Variants in DCC observed in about 807,000 individuals in gnomAD.
DCC encodes DCC netrin 1 receptor.
Under a neutral mutation model 172.5 loss-of-function variants are expected in DCC, and 58 were observed. That is an observed-to-expected ratio of 0.34 (90% CI 0.27 to 0.42). The LOEUF is 0.42. Ranked by LOEUF, DCC falls within the 10% of genes least tolerant of loss-of-function variation. The pLI is 1.00. For synonymous variants in DCC, 709 were observed against 644.5 expected (o/e 1.10, Z -1.52); for missense variants, 1,740 against 1,791.0 (o/e 0.97, Z 0.51).
intron 7 of DCC, among the ~76,000 whole-genome samples, chr18:53,108,502 A>G (rs1430073969): frequency 2.0e-5 from 3 of 151,778 alleles, no homozygotes; most frequent in African/African-American, 7.2e-5. Flanking sequence ...AACTTTTAAA[A>G]TCCTATTTGT....
intron 1 of DCC, among the ~76,000 whole-genome samples, chr18:52,676,928 T>A (rs571387626): frequency 7.2e-5 from 11 of 152,292 alleles, no homozygotes; most frequent in African/African-American, 2.6e-4. Flanking sequence ...TTTAACCAGA[T>A]AGCAAATGCC....
chr18:53,011,252 A>C (rs1031156307), intron 5 of DCC, among the ~76,000 whole-genome samples: 1 of 151,650 alleles, frequency 6.6e-6, no homozygotes, highest in South Asian at 2.1e-4. Flanking sequence ...TCTGCATCTC[A>C]CAAAAATCTT....
intron 5 of DCC, among the ~76,000 whole-genome samples, chr18:52,977,314 A>G (rs1354784149): frequency 6.6e-6 from 1 of 152,116 alleles, no homozygotes; most frequent in African/African-American, 2.4e-5. Context: ...GGGGAGCTCT[A>G]AAAATATACC....
At chr18:53,485,233 C>T (rs1019253753) in intron 25 of DCC, among the ~76,000 whole-genome samples, 6 of 152,010 alleles carry the variant, frequency 3.9e-5, no homozygotes, top group African/African-American at 1.4e-4. Flanking sequence ...CTACATGTAT[C>T]TATATGTGTC....
chr18:52,630,872 A>G (rs905695044), intron 1 of DCC, among the ~76,000 whole-genome samples: 2 of 152,202 alleles, frequency 1.3e-5, no homozygotes, highest in Non-Finnish European at 2.9e-5. Flanking sequence ...TTGTTTATGT[A>G]GTGTTCCAGG....
intron 1 of DCC, among the ~76,000 whole-genome samples, chr18:52,736,184 T>C (rs556487935): frequency 6.6e-6 from 1 of 151,982 alleles, no homozygotes; most frequent in African/African-American, 2.4e-5. Context: ...CCTCTCTGGG[T>C]CTTTGTCCCT....
At chr18:52,397,480 T>C (rs906675840) in intron 1 of DCC, among the ~76,000 whole-genome samples, 1 of 152,048 alleles carries the variant, frequency 6.6e-6, no homozygotes, top group Non-Finnish European at 1.5e-5. Flanking sequence ...ACACTATTGC[T>C]GCTATATGCA....
intron 2 of DCC, among the ~76,000 whole-genome samples, chr18:52,868,253 A>T (rs1047612135): frequency 1.3e-5 from 2 of 152,176 alleles, no homozygotes; most frequent in Non-Finnish European, 2.9e-5. Context: ...TTTCATGGAA[A>T]GCCCATGATG....
intron 7 of DCC, among the ~76,000 whole-genome samples, chr18:53,088,420 A>T (rs941727941): frequency 6.6e-6 from 1 of 152,176 alleles, no homozygotes; most frequent in Non-Finnish European, 1.5e-5. Context: ...TTATTGGTGT[A>T]TAAGAATGCT....
At chr18:53,032,699 G>A (rs2042042127) in intron 5 of DCC, among the ~76,000 whole-genome samples, 2 of 152,060 alleles carry the variant, frequency 1.3e-5, no homozygotes, top group African/African-American at 2.4e-5. Flanking sequence ...TGGAGATGAA[G>A]AGCTAGTATA....
intron 1 of DCC, among the ~76,000 whole-genome samples, chr18:52,436,604 A>G (rs1417826792): frequency 6.6e-6 from 1 of 152,028 alleles, no homozygotes; most frequent in Non-Finnish European, 1.5e-5. Context: ...TCTTTCTTTT[A>G]CTGTATTAAA....
intron 1 of DCC, among the ~76,000 whole-genome samples, chr18:52,692,344 A>T (rs1007309118): frequency 6.6e-6 from 1 of 152,158 alleles, no homozygotes; most frequent in African/African-American, 2.4e-5. Context: ...CCTTCTCACC[A>T]GATTAGTACC....
intron 27 of DCC, among the ~76,000 whole-genome samples, chr18:53,519,351 C>T (rs1301608680): frequency 6.6e-6 from 1 of 151,902 alleles, no homozygotes; most frequent in Non-Finnish European, 1.5e-5. Flanking sequence ...CACAGTTTAC[C>T]ATCATTGAAA....
At chr18:52,763,536 A>AT (rs1178610561) in intron 2 of DCC, among the ~76,000 whole-genome samples, 1 of 152,220 alleles carries the variant, frequency 6.6e-6, no homozygotes, top group Non-Finnish European at 1.5e-5. Flanking sequence ...GGTTTGGAAT[A>AT]TGTAATTGCA....
intron 1 of DCC, among the ~76,000 whole-genome samples, chr18:52,629,288 C>G (rs924995081): frequency 6.6e-6 from 1 of 152,120 alleles, no homozygotes; most frequent in Non-Finnish European, 1.5e-5. Context: ...AAGACAAAAA[C>G]TTCTACCCAC....
intron 1 of DCC, among the ~76,000 whole-genome samples, chr18:52,415,080 G>A (rs1329108306): frequency 6.6e-6 from 1 of 152,202 alleles, no homozygotes; most frequent in East Asian, 1.9e-4. Context: ...GACTTTGCCA[G>A]AATGGCTGAG....
intron 2 of DCC, among the ~76,000 whole-genome samples, chr18:52,790,558 C>T (rs754385549): frequency 1.3e-5 from 2 of 152,050 alleles, no homozygotes; most frequent in Admixed American, 6.6e-5. Flanking sequence ...TAACATTTCC[C>T]AGGTTGGAAG....
chr18:52,849,752 AACAG>A (rs2038947231), intron 2 of DCC, among the ~76,000 whole-genome samples: 3 of 152,224 alleles, frequency 2.0e-5, no homozygotes. Flanking sequence ...ACAATTTCAT[AACAG>A]ACAAAGGAGC....
intron 5 of DCC, among the ~76,000 whole-genome samples, chr18:53,045,085 T>G (rs1480707196): frequency 6.6e-6 from 1 of 151,840 alleles, no homozygotes; most frequent in Non-Finnish European, 1.5e-5. Context: ...GAAGCACATG[T>G]TTTTTAATCA....
Sources: allele counts gnomAD v4.1 joint callset (sites outside exome capture counted in the v4.1 genomes callset), GRCh38; gene constraint gnomAD v4.1.1; transcripts MANE v1.5; gene names NCBI Gene and HGNC (gene_info 2026-07-23, HGNC 2026-07-21).